NRXN1: variants seen among roughly 807,000 people sequenced by gnomAD.
The protein encoded by NRXN1 is neurexin 1.
NRXN1 carries 39 observed loss-of-function variants against 150.9 expected under a neutral mutation model. The observed-to-expected ratio is 0.26, with a 90% confidence interval of 0.20 to 0.34. The LOEUF is 0.34. Ranked by LOEUF, NRXN1 falls within the 10% of genes least tolerant of loss-of-function variation. The pLI, the probability that NRXN1 is intolerant of heterozygous loss-of-function variation, is 1.00. For synonymous variants in NRXN1, 924 were observed against 757.0 expected (o/e 1.22, Z -3.62); for missense variants, 1,815 against 1,949.9 (o/e 0.93, Z 1.30).
intron 18 of NRXN1, among the ~76,000 whole-genome samples, chr2:50,187,276 T>A (rs2061141145): frequency 6.6e-6 from 1 of 152,026 alleles, no homozygotes; most frequent in Non-Finnish European, 1.5e-5. Flanking sequence ...TCAAGTTGGA[T>A]AAAAGGAAAA....
At chr2:49,997,394 A>G (rs568720312) in intron 21 of NRXN1, among the ~76,000 whole-genome samples, 14 of 152,304 alleles carry the variant, frequency 9.2e-5, no homozygotes, top group African/African-American at 3.1e-4. Context: ...ATTAGCTAAA[A>G]TATTATCATT....
chr2:50,581,953 T>C (rs536955770), intron 8 of NRXN1, among the ~76,000 whole-genome samples: 116 of 152,268 alleles, frequency 7.6e-4, no homozygotes, highest in African/African-American at 2.8e-3. Context: ...AAAAAAGCTA[T>C]GCCGTATACA....
intron 9 of NRXN1, among the ~76,000 whole-genome samples, chr2:50,543,497 A>T (rs1377292342): frequency 6.6e-6 from 1 of 152,142 alleles, no homozygotes; most frequent in East Asian, 1.9e-4. Context: ...TTATATTCTT[A>T]CATGTAAAGC....
At chr2:50,072,887 G>T (rs956765088) in intron 19 of NRXN1, among the ~76,000 whole-genome samples, 1 of 152,174 alleles carries the variant, frequency 6.6e-6, no homozygotes, top group Non-Finnish European at 1.5e-5. Context: ...TGGATGTAAT[G>T]ACCTCAAGAT....
intron 17 of NRXN1, among the ~76,000 whole-genome samples, chr2:50,405,017 C>A (rs1169168812): frequency 6.6e-6 from 1 of 152,076 alleles, no homozygotes; most frequent in Non-Finnish European, 1.5e-5. Context: ...GACAAACGTT[C>A]TGGTCTAGAA....
intron 8 of NRXN1, among the ~76,000 whole-genome samples, chr2:50,604,716 C>T (rs571055338): frequency 1.3e-5 from 2 of 152,256 alleles, no homozygotes; most frequent in South Asian, 2.1e-4. Flanking sequence ...CAGTCACCAT[C>T]CCTATACTGC....
chr2:50,012,283 G>A (rs1470176569), intron 21 of NRXN1, among the ~76,000 whole-genome samples: 1 of 152,118 alleles, frequency 6.6e-6, no homozygotes, highest in Non-Finnish European at 1.5e-5. Context: ...ACCATCTTGA[G>A]ATAATACTAT....
intron 18 of NRXN1, among the ~76,000 whole-genome samples, chr2:50,164,332 G>C (rs926085933): frequency 6.6e-6 from 1 of 152,156 alleles, no homozygotes; most frequent in African/African-American, 2.4e-5. Flanking sequence ...AATTTATTCT[G>C]TGATCACGAT....
intron 8 of NRXN1, chr2:50,615,634 T>C (rs1398399444): frequency 6.6e-6 from 1 of 152,112 alleles, no homozygotes; most frequent in Admixed American, 6.5e-5. Context: ...CTAGTGAGAT[T>C]TTCATCTATC....
chr2:50,922,498 T>C, intron 4 of NRXN1, 160 bp downstream of exon 4: 1 of 763,814 alleles, frequency 1.3e-6, no homozygotes, highest in Non-Finnish European at 2.3e-6. Flanking sequence ...AACAAAGAAA[T>C]GGAAGAAAAA....
chr2:50,501,947 G>C (rs1363577400), intron 13 of NRXN1, among the ~76,000 whole-genome samples: 2 of 152,172 alleles, frequency 1.3e-5, no homozygotes, highest in Non-Finnish European at 2.9e-5. Flanking sequence ...AGAGTCTCTA[G>C]TACCTTCCTT....
chr2:50,494,408 C>T (rs2091442683), intron 15 of NRXN1, among the ~76,000 whole-genome samples: 1 of 152,106 alleles, frequency 6.6e-6, no homozygotes, highest in African/African-American at 2.4e-5. Flanking sequence ...CCACCTGAGC[C>T]CACTGTGCAA....
intron 21 of NRXN1, among the ~76,000 whole-genome samples, chr2:49,996,748 G>A (rs1683069447): frequency 6.6e-6 from 1 of 152,186 alleles, no homozygotes; most frequent in African/African-American, 2.4e-5. Flanking sequence ...AAAGCCTCCA[G>A]AAGGAATGCA....
chr2:49,988,706 T>C (rs1573247421), intron 21 of NRXN1, among the ~76,000 whole-genome samples: 3 of 151,302 alleles, frequency 2.0e-5, no homozygotes. Context: ...TACAAATAAA[T>C]TTGGGAAGCA....
intron 8 of NRXN1, among the ~76,000 whole-genome samples, chr2:50,580,849 G>T (rs767886473): frequency 4.6e-5 from 7 of 152,022 alleles, no homozygotes; most frequent in Non-Finnish European, 7.4e-5. Flanking sequence ...ACACTACTGG[G>T]TCTAAATACA....
In NRXN1 at chr2:49,996,261, T is replaced by C. The variant is rs368250175; in HGVS notation, c.4129-52470A>G. ...AGAAGTAGAAATAACTGTCTTTGCC[T>C]GGAAGGATGAAAAATCTCAGGACAT... On this transcript the variant is annotated intron_variant, in intron 21 of 22. Coordinates refer to ENST00000401669, the MANE Select transcript of NRXN1 (RefSeq NM_001330078.2). Among the ~76,000 whole-genome samples, 12 of 152,288 alleles carry C rather than the reference T, an allele frequency of 7.9e-5. No individual in the cohort carries two copies. The South Asian group carries it at 1.2e-3, about 16-fold the overall frequency.
chr2:50,312,681 T>C (rs2075275776), intron 17 of NRXN1: 1 of 500,584 alleles, frequency 2.0e-6, no homozygotes, highest in Admixed American at 2.1e-5. Context: ...TCTGATTTTT[T>C]GTCACATCCT....
intron 17 of NRXN1, among the ~76,000 whole-genome samples, chr2:50,343,585 A>T (rs542824775): frequency 3.9e-5 from 6 of 152,326 alleles, no homozygotes; most frequent in African/African-American, 1.4e-4. Flanking sequence ...CCTTAAAAAA[A>T]ATCCTCATCA....
intron 2 of NRXN1, among the ~76,000 whole-genome samples, chr2:51,007,265 A>T (rs1667164684): frequency 6.6e-6 from 1 of 151,954 alleles, no homozygotes; most frequent in Non-Finnish European, 1.5e-5. Context: ...TGAAATACAG[A>T]AAGGGTATTC....
Sources: allele counts gnomAD v4.1 joint callset (sites outside exome capture counted in the v4.1 genomes callset), GRCh38; gene constraint gnomAD v4.1.1; transcripts MANE v1.5; gene names NCBI Gene and HGNC (gene_info 2026-07-23, HGNC 2026-07-21).